ZNF721: variants seen among roughly 807,000 people sequenced by gnomAD.
The protein encoded by ZNF721 is zinc finger protein 721.
ZNF721 carries 2 observed loss-of-function variants against 2.4 expected under a neutral mutation model. That is an observed-to-expected ratio of 0.82 (90% CI 0.34 to 2.58). The LOEUF (loss-of-function observed/expected upper bound fraction) is 2.58, where lower values mean the gene tolerates loss of function less well. ZNF721 is among the 30% of genes most tolerant of loss of function. ZNF721 has a pLI of 0.11. For missense variants in ZNF721, 1,187 were observed against 1,085.5 expected (o/e 1.09, Z -1.31); for synonymous variants, 398 against 381.8 (o/e 1.04, Z -0.50).
At chr4:481,888 T>C (rs1226492793) in intron 1 of ZNF721, among the ~76,000 whole-genome samples, 2 of 152,248 alleles carry the variant, frequency 1.3e-5, no homozygotes, top group African/African-American at 2.4e-5. Context: ...TAGACACGCA[T>C]ACGCTGCCTA....
chr4:474,173 G>A lies in ZNF721; in HGVS notation c.-93-1472C>T, dbSNP rs140381713. On this transcript the variant is annotated intron_variant, in intron 1 of 2. Transcript: ENST00000511833. ...AAGGCCGCCGAAGATCCCGGATGCCGCCCCCTCCTCTCAGACTGCGCGCCT... is the reference window on the plus strand; with the variant it reads ...AAGGCCGCCGAAGATCCCGGATGCCACCCCCTCCTCTCAGACTGCGCGCCT... 1.7e-3 allele frequency: 915 copies of A among 525,448 alleles called. 23 individuals are homozygous for A. The East Asian group carries it at 0.043, about 25-fold the overall frequency. The allele number at this position is 525,448 out of a possible 1,614,324, so 32.5% of individuals were successfully genotyped here. A position where few individuals can be genotyped will look rare whatever the true frequency, so the allele number is the denominator to read the frequency against.
At chr4:451,380 C>T (rs1714656018) in intron 2 of ZNF721, among the ~76,000 whole-genome samples, 1 of 152,130 alleles carries the variant, frequency 6.6e-6, no homozygotes, top group Admixed American at 6.5e-5. Context: ...ATTTTGTGTT[C>T]CTTGAGCCCA....
At chr4:461,671 A>C (rs571888938) in intron 2 of ZNF721, among the ~76,000 whole-genome samples, 48 of 152,190 alleles carry the variant, frequency 3.2e-4, no homozygotes, top group Non-Finnish European at 6.0e-4. Context: ...TCAGGAGTTC[A>C]AGACCAGCCT....
chr4:475,551 T>C (rs1022681149), intron 1 of ZNF721, among the ~76,000 whole-genome samples: 7 of 152,202 alleles, frequency 4.6e-5, no homozygotes, highest in African/African-American at 1.4e-4. Flanking sequence ...TACTCATACT[T>C]CTGGCTAAAA....
At chr4:496,929 G>A (rs897617812) in intron 1 of ZNF721, among the ~76,000 whole-genome samples, 1 of 151,274 alleles carries the variant, frequency 6.6e-6, no homozygotes, top group African/African-American at 2.4e-5. Context: ...AGCCAGGATG[G>A]TCTCGATCTC....
intron 2 of ZNF721, among the ~76,000 whole-genome samples, chr4:470,450 T>C (rs1299820067): frequency 2.0e-5 from 3 of 152,116 alleles, no homozygotes; most frequent in Non-Finnish European, 4.4e-5. Flanking sequence ...GCAAGCGATA[T>C]ACCTGATAAC....
intron 1 of ZNF721, chr4:473,927 G>C: frequency 1.3e-6 from 2 of 1,496,552 alleles, no homozygotes; most frequent in Non-Finnish European, 1.8e-6. Context: ...GCCATTTGCC[G>C]CCGGTTCTGA....
chr4:445,338 C>A (rs576736631), intron 2 of ZNF721, among the ~76,000 whole-genome samples: 2 of 152,166 alleles, frequency 1.3e-5, no homozygotes, highest in African/African-American at 4.8e-5. Context: ...AAAAAATAAA[C>A]ACAAAATTCC....
intron 2 of ZNF721, among the ~76,000 whole-genome samples, chr4:470,322 C>G (rs1310237558): frequency 1.3e-5 from 2 of 152,030 alleles, no homozygotes; most frequent in Non-Finnish European, 2.9e-5. Flanking sequence ...TTTTGATATG[C>G]CATCAAAAGC....
intron 1 of ZNF721, among the ~76,000 whole-genome samples, chr4:496,177 A>C (rs1716148513): frequency 6.6e-6 from 1 of 151,988 alleles, no homozygotes; most frequent in Non-Finnish European, 1.5e-5. Context: ...TTGGGTATTT[A>C]GCCGCTTCAG....
intron 1 of ZNF721, among the ~76,000 whole-genome samples, chr4:482,555 G>A (rs1214287814): frequency 3.3e-5 from 5 of 151,716 alleles, no homozygotes; most frequent in Non-Finnish European, 7.4e-5. Context: ...GAAGTGAAGT[G>A]GCGTGATCTC....
intron 2 of ZNF721, among the ~76,000 whole-genome samples, chr4:469,483 A>G (rs1715361616): frequency 6.6e-6 from 1 of 152,232 alleles, no homozygotes; most frequent in South Asian, 2.1e-4. Context: ...GATCACTAAT[A>G]TTGTCAAAGT....
At chr4:447,293 T>C (rs1714508540) in intron 2 of ZNF721, among the ~76,000 whole-genome samples, 1 of 151,714 alleles carries the variant, frequency 6.6e-6, no homozygotes. Flanking sequence ...CTGCACTCCA[T>C]CCTGGGTGAC....
intron 1 of ZNF721, among the ~76,000 whole-genome samples, chr4:481,644 T>A (rs1285620232): frequency 7.9e-5 from 12 of 151,958 alleles, no homozygotes; most frequent in African/African-American, 2.9e-4. Flanking sequence ...TCTCAGCTCA[T>A]TGCAACCTCC....
rs782803961 is a variant in ZNF721 at position 443,710 on chromosome 4, C to G, written c.757G>C (p.Glu253Gln). 24 of 1,613,900 alleles carry G rather than the reference C, an allele frequency of 1.5e-5. No individual in the cohort carries two copies. The highest frequency in any genetic ancestry group is 1.6e-4 in the Middle Eastern group (1 of 6,084). Residue 253 changes from glutamate to glutamine, a missense_variant, in exon 3 of 3, where the codon GAA (glutamate) becomes CAA (glutamine). Glu to Gln is a conservative substitution (Grantham distance 29, BLOSUM62 2). Coordinates refer to ENST00000511833, the MANE Select transcript of ZNF721 (RefSeq NM_133474.4). Reference protein sequence around the residue: ...HTGEKPYKCKECGKVISSSSS... With the variant: ...HTGEKPYKCKQCGKVISSSSS... ...GATGAGGAAATGACTTTGCCACATT[C>G]CTTACATTTGTAGGGTTTCTCTCCA...
At chr4:484,879 G>A (rs1358917933) in intron 1 of ZNF721, among the ~76,000 whole-genome samples, 1 of 151,966 alleles carries the variant, frequency 6.6e-6, no homozygotes, top group Non-Finnish European at 1.5e-5. Flanking sequence ...ACACCTATTC[G>A]CACACTCCCT....
rs534408130 is a variant in ZNF721, at chr4:442,827, T to C, written c.1640A>G (p.His547Arg). 2.5e-5 allele frequency: 40 copies of C among 1,613,922 alleles called. 1 individual carries two copies. The East Asian group carries it at 5.8e-4, about 23-fold the overall frequency. Residue 547 changes from histidine (H) to arginine (R), a missense_variant, in exon 3 of 3, where the codon CAT becomes CGT. By Grantham distance (29) the His-to-Arg change is conservative. Coordinates refer to ENST00000511833, the MANE Select transcript of ZNF721 (RefSeq NM_133474.4). ...AFRQSAILYV[H>R]RRIHTGEKPY... ...TTTCTCTCCAGTATGAATTCTCCTA[T>C]GTACATAAAGGATTGCGGACTGTCT...
intron 1 of ZNF721, among the ~76,000 whole-genome samples, chr4:479,780 A>G (rs547581542): frequency 6.6e-6 from 1 of 152,346 alleles, no homozygotes; most frequent in East Asian, 1.9e-4. Flanking sequence ...GGATTGTGCC[A>G]GTGTCTTCCT....
intron 1 of ZNF721, among the ~76,000 whole-genome samples, chr4:477,656 T>C (rs1414841899): frequency 6.6e-6 from 1 of 151,984 alleles, no homozygotes; most frequent in East Asian, 1.9e-4. Flanking sequence ...AGCCGATAGT[T>C]TAAAATGAGC....
Sources: allele counts gnomAD v4.1 joint callset (sites outside exome capture counted in the v4.1 genomes callset), GRCh38; gene constraint gnomAD v4.1.1; transcripts MANE v1.5; gene names NCBI Gene and HGNC (gene_info 2026-07-23, HGNC 2026-07-21).